IL12RB2: variants seen among roughly 807,000 people sequenced by gnomAD.
IL12RB2 encodes the protein interleukin 12 receptor subunit beta 2.
IL12RB2 carries 82 observed loss-of-function variants against 89.4 expected under a neutral mutation model. That is an observed-to-expected ratio of 0.92 (90% CI 0.77 to 1.10). The LOEUF is 1.10. Among genes scored for constraint, IL12RB2 ranks in the 50% least tolerant of loss-of-function variants. The pLI is 0.00. For missense variants in IL12RB2, 963 were observed against 1,031.9 expected, an observed-to-expected ratio of 0.93 and a Z score of 0.92; for synonymous variants, 368 against 370.1, an observed-to-expected ratio of 0.99 and a Z score of 0.07.
chr1:67,342,488 T>C (rs1397759694), intron 9 of IL12RB2, among the ~76,000 whole-genome samples: 1 of 152,002 alleles, frequency 6.6e-6, no homozygotes, highest in East Asian at 1.9e-4. Context: ...TGGGAGTATG[T>C]GTGTGAGTGT....
At chr1:67,376,391 GT>G (rs1442430993) in intron 13 of IL12RB2, among the ~76,000 whole-genome samples, 2 of 152,294 alleles carry the variant, frequency 1.3e-5, no homozygotes, top group East Asian at 3.9e-4. Context: ...CAGTGCAGCT[GT>G]TTTGTCTAGT....
intron 6 of IL12RB2, 21 bp from the exon 7 acceptor site, chr1:67,329,566 T>G: frequency 6.6e-7 from 1 of 1,515,196 alleles, no homozygotes; most frequent in Non-Finnish European, 9.2e-7. Context: ...ACCACACTTT[T>G]TTGTTTGTCC....
intron 2 of IL12RB2, 44 bp from the exon 3 acceptor site, chr1:67,320,289 T>G: frequency 6.2e-7 from 1 of 1,611,592 alleles, no homozygotes; most frequent in Non-Finnish European, 8.5e-7. Context: ...CTCTGGTATT[T>G]TCTGAACATA....
At position 67,372,746 on chromosome 1, in the gene IL12RB2, GA is replaced by G; in HGVS notation, c.1682del (p.Lys561ArgfsTer25). 6.2e-7 allele frequency: 1 copy of G among 1,609,036 alleles called. No individual in the cohort carries two copies. The highest frequency in any genetic ancestry group is 8.5e-7 in the Non-Finnish European group (1 of 1,175,368). ...GCLLHYRIYW[K>X]ERDSNSQPQL... is the part of the protein sequence containing the mutation. The stretch of plus-strand genomic sequence containing the variant: ...GCCTCCTCCATTATAGGATATACTG[GA>G]AGGAACGGGACTCCAACTCCCAGCC... On this transcript the variant is annotated frameshift_variant, in exon 13 of 17. Coordinates refer to ENST00000674203, the MANE Select transcript of IL12RB2 (RefSeq NM_001374259.2). LOFTEE classifies it high-confidence loss of function.
chr1:67,380,243 G>T (rs1664432692), intron 14 of IL12RB2, 120 bp downstream of exon 14: 2 of 1,007,156 alleles, frequency 2.0e-6, no homozygotes, highest in Admixed American at 3.9e-5. Context: ...CTTTCTTGCT[G>T]TCACTTTACA....
At chr1:67,361,483 A>AT (rs1662033996) in intron 10 of IL12RB2, among the ~76,000 whole-genome samples, 2 of 152,212 alleles carry the variant, frequency 1.3e-5, no homozygotes, top group East Asian at 3.8e-4. Flanking sequence ...CAAAAAAGAA[A>AT]TGCTAGAGAT....
At position 67,395,868 on chromosome 1, in the gene IL12RB2, CCAG is replaced by C; in HGVS notation, c.2372_2374del (p.Ala791del). ...CCCAGCCTGTCCCTGGACGGTGCTCCCAGCAGGTGACCTTCCCACCCATGATGG... is the reference window on the plus strand; with the variant it reads ...CCCAGCCTGTCCCTGGACGGTGCTCCCAGGTGACCTTCCCACCCATGATGG... On this transcript the variant is annotated inframe_deletion, in exon 17 of 17. Coordinates refer to ENST00000674203, the MANE Select transcript of IL12RB2 (RefSeq NM_001374259.2). The C allele has an allele frequency of 6.2e-7, 1 of 1,609,098 alleles. No homozygotes were observed. Among genetic ancestry groups the C allele is most frequent in the Non-Finnish European group, 8.5e-7 (1 of 1,176,136 alleles).
intron 7 of IL12RB2, 85 bp from the exon 8 acceptor site, chr1:67,330,575 G>GTTTTTTTTTTTTTTTTTTTTT: frequency 1.6e-6 from 1 of 620,100 alleles, no homozygotes; most frequent in Non-Finnish European, 2.9e-6. Context: ...AATAGCCTGG[G>GTTTTTTTTTTTTTTTTTTTTT]TTTTTTTTTT....
At chr1:67,389,217 C>T (rs1185531079) in intron 15 of IL12RB2, among the ~76,000 whole-genome samples, 3 of 151,890 alleles carry the variant, frequency 2.0e-5, no homozygotes, top group Admixed American at 1.3e-4. Flanking sequence ...AGGTATTGTC[C>T]TCATCTGCAT....
rs756357962 is a variant in IL12RB2 at position 67,350,840 on chromosome 1, T to TA, written c.1039-27dup. 3 of 1,612,460 alleles carry TA rather than the reference T, an allele frequency of 1.9e-6. No homozygotes were observed. In the South Asian group the frequency reaches 3.3e-5, roughly 18 times the overall value. The stretch of plus-strand genomic sequence containing the variant: ...GAGCATCAGTGATCTTGTCTGGGAG[T>TA]AAATAGTGAATAAATGTGTCTTGTT... On this transcript the variant is annotated intron_variant, in intron 9 of 16. Coordinates refer to ENST00000674203, the MANE Select transcript of IL12RB2 (RefSeq NM_001374259.2).
chr1:67,320,209 TAAAATAACAA>T, intron 2 of IL12RB2, 114 bp from the exon 3 acceptor site: 1 of 1,449,306 alleles, frequency 6.9e-7, no homozygotes, highest in Admixed American at 2.1e-5. Context: ...TGTCATTTTT[TAAAATAACAA>T]GATCTCAACA....
chr1:67,361,849 A>C (rs770876050), intron 10 of IL12RB2, among the ~76,000 whole-genome samples: 5 of 152,224 alleles, frequency 3.3e-5, no homozygotes, highest in Admixed American at 6.5e-5. Flanking sequence ...ACCCACAAAA[A>C]AAACTGTACC....
At chr1:67,363,211 A>ATTTTTTTT (rs199805464) in intron 10 of IL12RB2, among the ~76,000 whole-genome samples, 2 of 97,222 alleles carry the variant, frequency 2.1e-5, no homozygotes, top group Non-Finnish European at 4.1e-5. Context: ...AATTATTCTT[A>ATTTTTTTT]TTTTTTTTTT....
chr1:67,351,328 T>C (rs1660815507), intron 10 of IL12RB2, among the ~76,000 whole-genome samples: 1 of 152,182 alleles, frequency 6.6e-6, no homozygotes, highest in Admixed American at 6.5e-5. Flanking sequence ...ATATTGCCTG[T>C]CTCATAGGTC....
chr1:67,353,937 G>A (rs1036528952), intron 10 of IL12RB2, among the ~76,000 whole-genome samples: 1 of 152,172 alleles, frequency 6.6e-6, no homozygotes, highest in Non-Finnish European at 1.5e-5. Context: ...CTTCTCAAAT[G>A]TCACATTCAT....
At chr1:67,354,045 C>T (rs561585645) in intron 10 of IL12RB2, among the ~76,000 whole-genome samples, 4 of 152,248 alleles carry the variant, frequency 2.6e-5, no homozygotes, top group East Asian at 3.9e-4. Flanking sequence ...AAGATACAGT[C>T]GAGGTCCTCA....
chr1:67,386,872 T>TTTTATATATATATA (rs1473033781), intron 15 of IL12RB2, among the ~76,000 whole-genome samples: 32 of 48,372 alleles, frequency 6.6e-4, no homozygotes, highest in Non-Finnish European at 9.8e-4. Flanking sequence ...GAAATGTATT[T>TTTTATATATATATA]TATATATATA....
chr1:67,357,500 T>C (rs182102460), intron 10 of IL12RB2, among the ~76,000 whole-genome samples: 1 of 152,368 alleles, frequency 6.6e-6, no homozygotes, highest in East Asian at 1.9e-4. Context: ...TTTTTAACCT[T>C]TGAAGTTTCT....
intron 1 of IL12RB2, among the ~76,000 whole-genome samples, 157 bp downstream of exon 1, chr1:67,308,124 T>A (rs1049640197): frequency 6.6e-6 from 1 of 151,932 alleles, no homozygotes; most frequent in African/African-American, 2.4e-5. Context: ...TATATATTTT[T>A]AAAGTCTTCC....
Sources: gnomAD v4.1 joint callset for allele counts (sites outside exome capture counted in the v4.1 genomes callset) on GRCh38, gnomAD v4.1.1 for gene constraint, MANE v1.5 for transcripts, NCBI Gene and HGNC (gene_info 2026-07-23, HGNC 2026-07-21) for gene names.